ANKRD44: variants seen among roughly 807,000 people sequenced by gnomAD.
ANKRD44 encodes ankyrin repeat domain 44.
A neutral mutation model predicts 116.0 loss-of-function variants in ANKRD44; 35 were observed. That is an observed-to-expected ratio of 0.30 (90% CI 0.23 to 0.40). The LOEUF (loss-of-function observed/expected upper bound fraction) is 0.40. Ranked by LOEUF, ANKRD44 falls within the 10% of genes least tolerant of loss-of-function variation. The pLI is 1.00. For missense variants in ANKRD44, 1,014 were observed against 1,242.6 expected (o/e 0.82, Z 2.77); for synonymous variants, 435 against 461.8 (o/e 0.94, Z 0.74).
chr2:197,249,213 G>C (rs937941620), intron 1 of ANKRD44, among the ~76,000 whole-genome samples: 6 of 152,180 alleles, frequency 3.9e-5, no homozygotes, highest in Non-Finnish European at 5.9e-5. Context: ...TTCCAGGCCA[G>C]AGCAAGCTAT....
intron 2 of ANKRD44, among the ~76,000 whole-genome samples, chr2:197,169,345 C>G (rs557801131): frequency 7.4e-4 from 113 of 152,278 alleles, no homozygotes; most frequent in Non-Finnish European, 1.3e-3. Context: ...TAGCAGTCTT[C>G]TCAGTTTATA....
At chr2:197,112,801 G>A (rs1574479658) in intron 8 of ANKRD44, among the ~76,000 whole-genome samples, 2 of 152,038 alleles carry the variant, frequency 1.3e-5, no homozygotes, top group African/African-American at 4.8e-5. Flanking sequence ...TACAGAATTG[G>A]GGTAAGAGGG....
At chr2:197,049,163 G>A (rs997287870) in intron 16 of ANKRD44, among the ~76,000 whole-genome samples, 3 of 152,020 alleles carry the variant, frequency 2.0e-5, no homozygotes, top group Admixed American at 6.6e-5. Context: ...TTCTTTTGCC[G>A]TGCAGAAGCT....
At chr2:197,172,919 G>A (rs529536761) in intron 2 of ANKRD44, among the ~76,000 whole-genome samples, 2 of 152,262 alleles carry the variant, frequency 1.3e-5, no homozygotes, top group South Asian at 4.2e-4. Context: ...CAGGAACACG[G>A]TAGATGCTCA....
Position 196,998,989 on chromosome 2 carries a change from G to A in ANKRD44, c.2583C>T (p.His861=), listed in dbSNP as rs2076065147. The part of the protein sequence containing the change: ...HVECLQLLLR[H]SAPVNAVDNS... ...TATCTACTGCGTTCACTGGAGCACT[G>A]TGTCTCAGAAGAAGCTGCAAGCACT... Residue 861 remains histidine (H), a synonymous_variant, in exon 24 of 28, where the codon CAC becomes CAT. Coordinates refer to ENST00000282272, the MANE Select transcript of ANKRD44 (RefSeq NM_001195144.2). 3 of 1,614,208 alleles carry A rather than the reference G, an allele frequency of 1.9e-6. No homozygotes were observed. Among genetic ancestry groups the A allele is most frequent in the Non-Finnish European group, 2.5e-6 (3 of 1,180,038 alleles).
At chr2:197,156,401 G>C (rs2079816697) in intron 2 of ANKRD44, among the ~76,000 whole-genome samples, 1 of 151,154 alleles carries the variant, frequency 6.6e-6, no homozygotes, top group African/African-American at 2.4e-5. Context: ...GCAAATTAAA[G>C]CCATATTACA....
chr2:197,087,386 A>G (rs937432880), intron 12 of ANKRD44, among the ~76,000 whole-genome samples: 10 of 152,232 alleles, frequency 6.6e-5, no homozygotes, highest in Non-Finnish European at 1.5e-4. Context: ...GGACCCATCA[A>G]AGTGATTTTT....
At position 197,046,633 on chromosome 2, in the gene ANKRD44, G is replaced by A. The variant is rs544349972; in HGVS notation, c.1651-21366C>T. On this transcript the variant is annotated intron_variant, in intron 16 of 27. Coordinates refer to ENST00000282272, the MANE Select transcript of ANKRD44 (RefSeq NM_001195144.2). ...TGCACTCCAGCCTGGGCGACAGAGC[G>A]AGACTGGCAAAAAAAAAAAAAGCTC... is the stretch of plus-strand genomic sequence containing the variant. Among the ~76,000 whole-genome samples the A allele has an allele frequency of 2.9e-4, 15 of 51,618 alleles. No individual in the cohort carries two copies. In the East Asian group the frequency reaches 4.6e-3, roughly 16 times the overall value. 33.9% of individuals were successfully genotyped at this position (51,618 alleles called of 152,430 possible).
intron 1 of ANKRD44, among the ~76,000 whole-genome samples, chr2:197,225,331 A>C (rs2081678581): frequency 6.6e-6 from 1 of 152,102 alleles, no homozygotes; most frequent in Non-Finnish European, 1.5e-5. Context: ...TCTACATTGC[A>C]TGACTTTTTC....
intron 12 of ANKRD44, 95 bp downstream of exon 12, chr2:197,088,616 C>T: frequency 1.4e-6 from 1 of 713,378 alleles, no homozygotes; most frequent in Non-Finnish European, 2.2e-6. Flanking sequence ...TCTTATTTTA[C>T]TAAGGAAATT....
intron 22 of ANKRD44, among the ~76,000 whole-genome samples, chr2:197,001,014 G>A (rs2076104341): frequency 6.6e-6 from 1 of 152,230 alleles, no homozygotes; most frequent in Non-Finnish European, 1.5e-5. Context: ...CTCCAGCCTA[G>A]GCGACAGAGC....
At chr2:196,986,558 CTTGA>C (rs1274519602), downstream of ANKRD44, 15 of 335,460 alleles carry the variant, frequency 4.5e-5, no homozygotes, top group Non-Finnish European at 5.9e-5. Flanking sequence ...ACACTTTTAT[CTTGA>C]TTATTTTCTA....
intron 2 of ANKRD44, among the ~76,000 whole-genome samples, chr2:197,151,453 C>CA (rs2079647785): frequency 6.6e-6 from 1 of 152,050 alleles, no homozygotes; most frequent in Non-Finnish European, 1.5e-5. Flanking sequence ...GAAAAACAAA[C>CA]AAAATTTGGA....
intron 1 of ANKRD44, among the ~76,000 whole-genome samples, chr2:197,243,209 A>C (rs2082125530): frequency 6.6e-6 from 1 of 152,236 alleles, no homozygotes; most frequent in East Asian, 1.9e-4. Context: ...CATTTACTAT[A>C]CATATATGGT....
chr2:196,991,741 C>T (rs183635660), intron 27 of ANKRD44, among the ~76,000 whole-genome samples: 16 of 134,548 alleles, frequency 1.2e-4, no homozygotes, highest in East Asian at 1.2e-3. Context: ...CCACTACTAC[C>T]GGCTGATTTT....
intron 8 of ANKRD44, among the ~76,000 whole-genome samples, chr2:197,118,651 G>GAAAGAAAGAAAGAAAGAAAA (rs2078776909): frequency 6.6e-6 from 1 of 150,398 alleles, no homozygotes; most frequent in African/African-American, 2.4e-5. Context: ...AAGAAAGAAA[G>GAAAGAAAGAAAGAAAGAAAA]AAAGAAAGAA....
chr2:197,045,972 T>C (rs1343748353), intron 16 of ANKRD44, among the ~76,000 whole-genome samples: 1 of 152,180 alleles, frequency 6.6e-6, no homozygotes, highest in East Asian at 1.9e-4. Context: ...CCAACCGACA[T>C]TTCAGTATGT....
chr2:197,021,988 T>C (rs909265980), intron 17 of ANKRD44, among the ~76,000 whole-genome samples: 2 of 152,230 alleles, frequency 1.3e-5, no homozygotes, highest in Admixed American at 1.3e-4. Flanking sequence ...TTCAAGAGGA[T>C]GAAATGCTTA....
intron 16 of ANKRD44, among the ~76,000 whole-genome samples, chr2:197,055,795 G>A (rs2077192006): frequency 2.6e-5 from 4 of 152,070 alleles, no homozygotes. Flanking sequence ...GTTCATCTAT[G>A]TTTGCCCTAA....
Sources: allele counts gnomAD v4.1 joint callset (sites outside exome capture counted in the v4.1 genomes callset), GRCh38; gene constraint gnomAD v4.1.1; transcripts MANE v1.5; gene names NCBI Gene and HGNC (gene_info 2026-07-23, HGNC 2026-07-21).